SHQ1: variants seen among roughly 807,000 people sequenced by gnomAD.
SHQ1 encodes the protein protein SHQ1 homolog.
A neutral mutation model predicts 53.8 loss-of-function variants in SHQ1; 49 were observed. The ratio of observed to expected loss-of-function variants is 0.91; its 90% CI spans 0.72 to 1.16. The LOEUF (loss-of-function observed/expected upper bound fraction) is 1.16. SHQ1 is among the 50% of genes most tolerant of loss of function. SHQ1 has a pLI of 0.00. For synonymous variants in SHQ1, 243 were observed against 251.0 expected (o/e 0.97, Z 0.30); for missense variants, 738 against 683.1 (o/e 1.08, Z -0.90).
At chr3:72,748,329 C>CAAAAA (rs572927520), downstream of SHQ1, among the ~76,000 whole-genome samples, 232 of 58,758 alleles carry the variant, frequency 3.9e-3, 19 homozygotes, top group East Asian at 6.7e-3. Flanking sequence ...ATGAGGCATG[C>CAAAAA]AAAAAAAAAA....
At chr3:72,744,430 CT>C (rs1705220844), downstream of SHQ1, among the ~76,000 whole-genome samples, 1 of 152,202 alleles carries the variant, frequency 6.6e-6, no homozygotes, top group South Asian at 2.1e-4. Context: ...CACATTCATC[CT>C]TTTCCTCTAA....
intron 9 of SHQ1, among the ~76,000 whole-genome samples, chr3:72,808,516 T>C (rs556653065): frequency 1.1e-4 from 16 of 152,292 alleles, no homozygotes; most frequent in African/African-American, 3.9e-4. Context: ...GCCTGTCTTC[T>C]ATTTGCAAAA....
downstream of SHQ1, among the ~76,000 whole-genome samples, chr3:72,747,298 T>C (rs531577672): frequency 6.6e-6 from 1 of 152,280 alleles, no homozygotes; most frequent in Non-Finnish European, 1.5e-5. Flanking sequence ...GGAAAACCCA[T>C]ATTTAAACTA....
At chr3:72,742,258 A>T in the SHQ1 span, among the ~76,000 whole-genome samples, 1 of 152,154 alleles carries the variant, frequency 6.6e-6, no homozygotes, top group Non-Finnish European at 1.5e-5. Flanking sequence ...ATGCTGCTAT[A>T]ACACAACAGA....
intron 9 of SHQ1, among the ~76,000 whole-genome samples, chr3:72,796,274 AG>A (rs1706619049): frequency 6.6e-6 from 1 of 152,158 alleles, no homozygotes; most frequent in Admixed American, 6.5e-5. Context: ...GGACAGACTG[AG>A]TGAGAACGTC....
chr3:72,725,776 C>A, the SHQ1 span, among the ~76,000 whole-genome samples: 1 of 152,106 alleles, frequency 6.6e-6, no homozygotes, highest in Non-Finnish European at 1.5e-5. Context: ...CAGGTGTCAA[C>A]CTCACATGGT....
the SHQ1 span, among the ~76,000 whole-genome samples, chr3:72,740,745 G>C: frequency 6.6e-6 from 1 of 152,140 alleles, no homozygotes; most frequent in African/African-American, 2.4e-5. Flanking sequence ...GTTCATTTCA[G>C]AGTAATGACA....
chr3:72,842,168 C>T, intron 3 of SHQ1, 112 bp downstream of exon 3: 1 of 1,199,560 alleles, frequency 8.3e-7, no homozygotes, highest in Non-Finnish European at 1.2e-6. Context: ...CACCTTATAC[C>T]TGAAGTATTT....
At chr3:72,768,899 A>G (rs1177987908) in intron 10 of SHQ1, among the ~76,000 whole-genome samples, 1 of 152,212 alleles carries the variant, frequency 6.6e-6, no homozygotes, top group Non-Finnish European at 1.5e-5. Context: ...TTGCACTATA[A>G]TACGGTCACT....
intron 6 of SHQ1, among the ~76,000 whole-genome samples, chr3:72,823,437 T>G (rs908049520): frequency 6.6e-6 from 1 of 152,146 alleles, no homozygotes; most frequent in Non-Finnish European, 1.5e-5. Flanking sequence ...CTGTAGCTAC[T>G]TCAGAATGAG....
chr3:72,830,889 T>A (rs1280778026), intron 5 of SHQ1, among the ~76,000 whole-genome samples: 2 of 152,194 alleles, frequency 1.3e-5, no homozygotes, highest in African/African-American at 4.8e-5. Context: ...ATTTCCTAAT[T>A]CTCTCAGGCC....
At chr3:72,767,363 G>A (rs1705751692) in intron 10 of SHQ1, among the ~76,000 whole-genome samples, 2 of 152,168 alleles carry the variant, frequency 1.3e-5, no homozygotes, top group South Asian at 4.1e-4. Context: ...CACCATCTGG[G>A]TAACTAAAGA....
At chr3:72,769,056 G>C (rs901110534) in intron 10 of SHQ1, among the ~76,000 whole-genome samples, 3 of 152,198 alleles carry the variant, frequency 2.0e-5, no homozygotes, top group African/African-American at 7.2e-5. Context: ...CAGGTCCTTT[G>C]ATCAAGTAAC....
At chr3:72,834,172 T>A (rs1707923108) in intron 4 of SHQ1, among the ~76,000 whole-genome samples, 1 of 152,188 alleles carries the variant, frequency 6.6e-6, no homozygotes. Flanking sequence ...TTAAGTAGTA[T>A]CAATAATATT....
At chr3:72,846,409 C>T in intron 1 of SHQ1, 1 of 1,080,552 alleles carries the variant, frequency 9.3e-7, no homozygotes, top group Non-Finnish European at 1.3e-6. Context: ...ATTCTCTCAC[C>T]TCAAGCTTCC....
intron 10 of SHQ1, among the ~76,000 whole-genome samples, chr3:72,788,594 T>G (rs971578514): frequency 6.6e-6 from 1 of 152,150 alleles, no homozygotes; most frequent in Non-Finnish European, 1.5e-5. Flanking sequence ...AATAGCTCAT[T>G]GAGAACAGGC....
chr3:72,753,027 C>T lies in SHQ1; in HGVS notation c.1182-2191G>A, dbSNP rs566494402. 2.8e-4 allele frequency: 278 copies of T among 985,276 alleles called. No individual in the cohort carries two copies. In the African/African-American group the frequency reaches 4.4e-3, roughly 16 times the overall value. 61.0% of individuals were successfully genotyped at this position (985,276 alleles called of 1,614,324 possible). A position where few individuals can be genotyped will look rare whatever the true frequency, so the allele number is the denominator to read the frequency against. On this transcript the variant is annotated intron_variant, in intron 10 of 10. Transcript: ENST00000325599. ...TATTACATTGTATCGAGTAAATAAA[C>T]TTTTCCATTATTAACTTGGATGCAT...
At chr3:72,845,576 A>G (rs1016822583) in intron 1 of SHQ1, among the ~76,000 whole-genome samples, 5 of 152,072 alleles carry the variant, frequency 3.3e-5, no homozygotes, top group Admixed American at 6.5e-5. Flanking sequence ...CTCCAAAATA[A>G]TTTTTCTAAA....
At chr3:72,781,559 C>T (rs1289424884) in intron 10 of SHQ1, among the ~76,000 whole-genome samples, 1 of 152,022 alleles carries the variant, frequency 6.6e-6, no homozygotes, top group African/African-American at 2.4e-5. Context: ...TTATTATTTA[C>T]ATAAAATTAC....
Sources: allele counts gnomAD v4.1 joint callset (sites outside exome capture counted in the v4.1 genomes callset), GRCh38; gene constraint gnomAD v4.1.1; transcripts MANE v1.5; gene names NCBI Gene and HGNC (gene_info 2026-07-23, HGNC 2026-07-21).